NSFL1C: variants seen among roughly 807,000 people sequenced by gnomAD.
The protein encoded by NSFL1C is NSFL1 cofactor p47.
A neutral mutation model predicts 43.1 loss-of-function variants in NSFL1C; 14 were observed. The ratio of observed to expected loss-of-function variants is 0.32; its 90% CI spans 0.21 to 0.51. The LOEUF is 0.51. NSFL1C is among the 20% of genes least tolerant of loss of function. The probability of loss-of-function intolerance (pLI) is 0.98; values close to 1 mark genes in which losing one functional copy is unlikely to be tolerated. For missense variants in NSFL1C, 406 were observed against 472.5 expected (o/e 0.86, Z 1.30); for synonymous variants, 171 against 183.5 (o/e 0.93, Z 0.55).
In NSFL1C at chr20:1,443,272, C is replaced by T. The variant is rs542472913; in HGVS notation, c.*477G>A. On this transcript the variant is annotated 3_prime_UTR_variant, in exon 9 of 9. Coordinates refer to ENST00000216879, the MANE Select transcript of NSFL1C (RefSeq NM_016143.5). ...TTTATCTGGGCAAGTGACATATTCT[C>T]GTGGGAACAAGTGGTGGCGAAGCCT... 5 of 155,470 alleles carry T rather than the reference C, an allele frequency of 3.2e-5. No individual in the cohort carries two copies. In the South Asian group the frequency reaches 9.8e-4, roughly 31 times the overall value. The allele number at this position is 155,470 out of a possible 1,614,324, so 9.6% of individuals were successfully genotyped here.
At position 1,451,653 on chromosome 20, in the gene NSFL1C, G is replaced by A. The variant is rs535636886; in HGVS notation, c.785+840C>T. ...GTTCCCTCTGAAGAACACTCATCAG[G>A]TGACCCCATGGCCATGGCCAAAGCT... is the stretch of plus-strand genomic sequence containing the variant. On this transcript the variant is annotated intron_variant, in intron 7 of 8. Coordinates refer to ENST00000216879, the MANE Select transcript of NSFL1C (RefSeq NM_016143.5). 2.0e-5 allele frequency among the ~76,000 whole-genome samples: 3 copies of A among 152,324 alleles called. No individual in the cohort carries two copies. In the East Asian group the frequency reaches 5.8e-4, roughly 29 times the overall value.
chr20:1,456,983 C>G (rs2090315469), intron 3 of NSFL1C: 1 of 152,148 alleles, frequency 6.6e-6, no homozygotes, highest in South Asian at 2.1e-4. Context: ...ATATACAGAA[C>G]AAAGACTGGA....
At chr20:1,466,574 C>G in intron 1 of NSFL1C, 146 bp downstream of exon 1, 1 of 693,918 alleles carries the variant, frequency 1.4e-6, no homozygotes, top group Non-Finnish European at 2.3e-6. Flanking sequence ...CGACGCGTGA[C>G]AAGCGGTCCC....
At chr20:1,455,224 G>C in intron 3 of NSFL1C, 92 bp from the exon 4 acceptor site, 3 of 1,384,330 alleles carry the variant, frequency 2.2e-6, no homozygotes, top group Non-Finnish European at 3.1e-6. Flanking sequence ...TGAGGCAAAG[G>C]GTACAATGCT....
intron 8 of NSFL1C, 117 bp from the exon 9 acceptor site, chr20:1,444,028 A>C (rs990005160): frequency 5.1e-5 from 57 of 1,128,394 alleles, no homozygotes; most frequent in Non-Finnish European, 7.0e-5. Context: ...AGAACAGCGA[A>C]AGCTACGCTC....
chr20:1,458,151 C>T (rs370940152), intron 3 of NSFL1C, 49 bp downstream of exon 3: 2 of 1,435,276 alleles, frequency 1.4e-6, no homozygotes, highest in South Asian at 1.1e-5. Flanking sequence ...TACACATTAC[C>T]CTGGACTTCC....
intron 3 of NSFL1C, among the ~76,000 whole-genome samples, chr20:1,457,701 G>T (rs1266844322): frequency 9.9e-5 from 15 of 152,046 alleles, no homozygotes. Flanking sequence ...TTCTGTGCCT[G>T]GCTTATTTTA....
At chr20:1,463,860 C>T (rs2090459667) in intron 2 of NSFL1C, 1 of 155,066 alleles carries the variant, frequency 6.4e-6, no homozygotes, top group East Asian at 1.9e-4. Flanking sequence ...ACTGTTTTAC[C>T]TAGTAAGACA....
At chr20:1,453,436 G>A (rs186158047) in intron 5 of NSFL1C, among the ~76,000 whole-genome samples, 3 of 152,250 alleles carry the variant, frequency 2.0e-5, no homozygotes, top group East Asian at 1.9e-4. Flanking sequence ...TGACTCAATC[G>A]ACGCTTTGCT....
At chr20:1,460,773 A>C (rs900695222) in intron 2 of NSFL1C, among the ~76,000 whole-genome samples, 1 of 152,248 alleles carries the variant, frequency 6.6e-6, no homozygotes, top group African/African-American at 2.4e-5. Context: ...GTTTAATTTC[A>C]ATTAATTTAA....
chr20:1,455,136 T>G lies in NSFL1C; in HGVS notation c.279-4A>C. The G allele has an allele frequency of 5.0e-6, 8 of 1,614,188 alleles. No individual in the cohort carries two copies. Among genetic ancestry groups the G allele is most frequent in the Non-Finnish European group, 5.9e-6 (7 of 1,180,012 alleles). On this transcript the variant is annotated splice_region_variant and splice_polypyrimidine_tract_variant and intron_variant, in intron 3 of 8. Transcript: ENST00000216879. ...CTCTGAGCCCCCAGCATAAAACCTG[T>G]GTACAAAATACACCTCTAACATGAA...
At chr20:1,457,644 G>C (rs2090329584) in intron 3 of NSFL1C, among the ~76,000 whole-genome samples, 1 of 152,126 alleles carries the variant, frequency 6.6e-6, no homozygotes, top group Admixed American at 6.5e-5. Flanking sequence ...GATTGTTCTA[G>C]ATTGGAATTG....
At chr20:1,453,219 C>T in intron 5 of NSFL1C, 79 bp from the exon 6 acceptor site, 1 of 814,420 alleles carries the variant, frequency 1.2e-6, no homozygotes, top group East Asian at 2.4e-5. Context: ...CAGGTTTTTA[C>T]TATTTCTCAG....
intron 7 of NSFL1C, among the ~76,000 whole-genome samples, chr20:1,452,116 G>A (rs2090193266): frequency 6.6e-6 from 1 of 152,156 alleles, no homozygotes; most frequent in African/African-American, 2.4e-5. Context: ...CTAGATTACT[G>A]AGCCACAGCA....
chr20:1,462,999 A>G (rs566066690), intron 2 of NSFL1C, among the ~76,000 whole-genome samples: 9 of 152,324 alleles, frequency 5.9e-5, no homozygotes, highest in South Asian at 4.1e-4. Context: ...AGGCACTATC[A>G]TTACCATTTG....
In NSFL1C at chr20:1,465,127, C is replaced by A. The variant is rs8121679; in HGVS notation, c.106-701G>T. 1.4e-3 allele frequency among the ~76,000 whole-genome samples: 206 copies of A among 152,310 alleles called. 1 individual carries two copies. Among genetic ancestry groups the A allele is most frequent in the African/African-American group, 4.8e-3 (198 of 41,560 alleles). On this transcript the variant is annotated intron_variant, in intron 1 of 8. Transcript: ENST00000216879. ...ACACATACAGAAGGAATATGGGAAT[C>A]CTTTGGTCATTTGTGACATCTCTGT...
At chr20:1,457,945 G>A (rs1156945889) in intron 3 of NSFL1C, 1 of 380,032 alleles carries the variant, frequency 2.6e-6, no homozygotes, top group Non-Finnish European at 4.8e-6. Context: ...ATACCAAAAA[G>A]TGGGACTGCT....
chr20:1,462,369 T>C (rs1402243915), intron 2 of NSFL1C, among the ~76,000 whole-genome samples: 1 of 152,178 alleles, frequency 6.6e-6, no homozygotes, highest in Non-Finnish European at 1.5e-5. Flanking sequence ...CCTCCCTCCC[T>C]TTTTCTTGTC....
intron 7 of NSFL1C, among the ~76,000 whole-genome samples, chr20:1,449,349 C>G (rs989939908): frequency 1.3e-5 from 2 of 152,346 alleles, no homozygotes; most frequent in East Asian, 3.9e-4. Context: ...AGTGGAAGGT[C>G]ACCTGACAGG....
Sources: allele counts gnomAD v4.1 joint callset (sites outside exome capture counted in the v4.1 genomes callset), GRCh38; gene constraint gnomAD v4.1.1; transcripts MANE v1.5; gene names NCBI Gene and HGNC (gene_info 2026-07-23, HGNC 2026-07-21).